The following OPCML variants were observed in gnomAD, a reference collection of about 807,000 sequenced individuals.
OPCML encodes opioid binding protein/cell adhesion molecule like.
A neutral mutation model predicts 37.8 loss-of-function variants in OPCML; 13 were observed. The observed-to-expected ratio is 0.34, with a 90% CI of 0.22 to 0.55. The LOEUF (loss-of-function observed/expected upper bound fraction) is 0.55, where lower values mean the gene tolerates loss of function less well. OPCML is among the 20% of genes least tolerant of loss of function. OPCML has a pLI of 0.91. For missense variants in OPCML, 341 were observed against 435.6 expected (o/e 0.78, Z 1.93); for synonymous variants, 176 against 168.8 (o/e 1.04, Z -0.33).
At chr11:132,930,590 TA>T (rs910030165) in intron 2 of OPCML, among the ~76,000 whole-genome samples, 7 of 151,624 alleles carry the variant, frequency 4.6e-5, no homozygotes, top group Admixed American at 1.3e-4. Context: ...TCTGAAAACA[TA>T]AAAAAAATTT....
chr11:132,474,918 T>G (rs1467731201), intron 4 of OPCML, among the ~76,000 whole-genome samples: 4 of 152,184 alleles, frequency 2.6e-5, no homozygotes, highest in African/African-American at 9.7e-5. Context: ...GGTCACAAAA[T>G]AACTGTCCCC....
chr11:132,616,869 G>A (rs2137886276), intron 3 of OPCML, among the ~76,000 whole-genome samples: 1 of 152,298 alleles, frequency 6.6e-6, no homozygotes, highest in Admixed American at 6.5e-5. Flanking sequence ...CACACTGGTT[G>A]TGTCAACCTG....
intron 1 of OPCML, among the ~76,000 whole-genome samples, chr11:133,072,975 G>T (rs1284945270): frequency 1.3e-5 from 2 of 152,208 alleles, no homozygotes; most frequent in Non-Finnish European, 2.9e-5. Context: ...TGAGAGAAAG[G>T]GACGGTGAAA....
chr11:133,112,111 T>C (rs1949262941), intron 1 of OPCML, among the ~76,000 whole-genome samples: 1 of 152,050 alleles, frequency 6.6e-6, no homozygotes, highest in African/African-American at 2.4e-5. Context: ...ACTTTTATTA[T>C]CCTACTTTGG....
chr11:133,303,170 C>T lies in OPCML; in HGVS notation c.61+229094G>A, dbSNP rs193205137. Among the ~76,000 whole-genome samples, 57 of 152,164 alleles carry T rather than the reference C, an allele frequency of 3.7e-4. No homozygotes were observed. In the East Asian group the frequency reaches 9.8e-3, roughly 26 times the overall value. On this transcript the variant is annotated intron_variant, in intron 1 of 7. Coordinates refer to ENST00000524381, the MANE Select transcript of OPCML (RefSeq NM_001012393.5). ...TGCAGCCCAAAAGTAAATACACTGA[C>T]GTATGTTTTTAGATAATGAAGTTGG...
intron 1 of OPCML, among the ~76,000 whole-genome samples, chr11:132,990,963 C>A (rs935636484): frequency 3.3e-5 from 5 of 152,152 alleles, no homozygotes; most frequent in African/African-American, 1.2e-4. Context: ...CCAAGTCTTG[C>A]CTTTTCTCCT....
chr11:133,012,072 G>A (rs1357241345), intron 1 of OPCML, among the ~76,000 whole-genome samples: 1 of 152,132 alleles, frequency 6.6e-6, no homozygotes, highest in Non-Finnish European at 1.5e-5. Flanking sequence ...CTCTACTGGG[G>A]ACAATTTTAC....
intron 3 of OPCML, among the ~76,000 whole-genome samples, chr11:132,635,499 T>A (rs2135706599): frequency 6.6e-6 from 1 of 151,788 alleles, no homozygotes; most frequent in East Asian, 1.9e-4. Flanking sequence ...CCTTCCCATG[T>A]TTTTTCCTTT....
intron 2 of OPCML, among the ~76,000 whole-genome samples, chr11:132,716,386 CTATT>C (rs1246971391): frequency 3.8e-5 from 5 of 131,688 alleles, no homozygotes; most frequent in South Asian, 2.6e-4. Context: ...GTCTATCTGT[CTATT>C]TATCTATCTA....
intron 3 of OPCML, among the ~76,000 whole-genome samples, chr11:132,625,150 T>C (rs1193479717): frequency 6.6e-6 from 1 of 152,202 alleles, no homozygotes; most frequent in Non-Finnish European, 1.5e-5. Flanking sequence ...ACTTCTTACC[T>C]GGATTCTCTC....
intron 1 of OPCML, among the ~76,000 whole-genome samples, chr11:133,384,955 G>A (rs1945012776): frequency 6.6e-6 from 1 of 152,266 alleles, no homozygotes; most frequent in African/African-American, 2.4e-5. Flanking sequence ...GGCCAACACA[G>A]AGGCCGGCCA....
chr11:132,426,540 C>T (rs2095978258), intron 7 of OPCML, among the ~76,000 whole-genome samples: 1 of 152,090 alleles, frequency 6.6e-6, no homozygotes, highest in African/African-American at 2.4e-5. Context: ...TCAAGTGATT[C>T]TCCTGCCTCA....
intron 1 of OPCML, among the ~76,000 whole-genome samples, chr11:132,964,086 G>A (rs1465747142): frequency 1.3e-5 from 2 of 152,206 alleles, no homozygotes; most frequent in South Asian, 2.1e-4. Flanking sequence ...CAGAGGGCAA[G>A]ACACACCTAA....
intron 2 of OPCML, among the ~76,000 whole-genome samples, chr11:132,707,689 T>C (rs1402830147): frequency 6.6e-6 from 1 of 152,190 alleles, no homozygotes; most frequent in Non-Finnish European, 1.5e-5. Context: ...TAGCAGGCCT[T>C]ATGGGTATTT....
At chr11:133,019,873 G>A (rs974142432) in intron 1 of OPCML, among the ~76,000 whole-genome samples, 1 of 152,144 alleles carries the variant, frequency 6.6e-6, no homozygotes, top group African/African-American at 2.4e-5. Context: ...TGAAGCCCAG[G>A]CCCACGTACC....
chr11:132,879,101 G>C (rs1297969571), intron 2 of OPCML, among the ~76,000 whole-genome samples: 1 of 152,160 alleles, frequency 6.6e-6, no homozygotes, highest in Non-Finnish European at 1.5e-5. Flanking sequence ...TGAAATTAAC[G>C]TAAGTAAGCT....
chr11:132,827,798 C>A (rs561182723), intron 2 of OPCML, among the ~76,000 whole-genome samples: 3 of 143,206 alleles, frequency 2.1e-5, no homozygotes, highest in Admixed American at 1.4e-4. Context: ...TGCCACCACG[C>A]CTGGCTGAAT....
At chr11:133,040,626 A>C (rs576761294) in intron 1 of OPCML, among the ~76,000 whole-genome samples, 1 of 152,320 alleles carries the variant, frequency 6.6e-6, no homozygotes, top group South Asian at 2.1e-4. Flanking sequence ...CACCTTGTGT[A>C]GAAGTGGCAG....
intron 1 of OPCML, among the ~76,000 whole-genome samples, chr11:133,357,809 G>C (rs1020726312): frequency 6.6e-6 from 1 of 152,060 alleles, no homozygotes; most frequent in East Asian, 1.9e-4. Context: ...CACCTTCTTT[G>C]TACTTCCTCC....
Sources: gnomAD v4.1 joint callset for allele counts (sites outside exome capture counted in the v4.1 genomes callset) on GRCh38, gnomAD v4.1.1 for gene constraint, MANE v1.5 for transcripts, NCBI Gene and HGNC (gene_info 2026-07-23, HGNC 2026-07-21) for gene names.